The following RPTOR variants were observed in gnomAD, a reference collection of about 807,000 sequenced individuals.
RPTOR encodes regulatory-associated protein of mTOR.
A neutral mutation model predicts 169.9 loss-of-function variants in RPTOR; 21 were observed. The ratio of observed to expected loss-of-function variants is 0.12; its 90% CI spans 0.09 to 0.18. The LOEUF is 0.18. Ranked by LOEUF, RPTOR falls within the 10% of genes least tolerant of loss-of-function variation. The probability of loss-of-function intolerance (pLI) is 1.00; values close to 1 mark genes in which losing one functional copy is unlikely to be tolerated. For synonymous variants in RPTOR, 732 were observed against 753.2 expected, an observed-to-expected ratio of 0.97 and a Z score of 0.46; for missense variants, 1,133 against 1,855.9, an observed-to-expected ratio of 0.61 and a Z score of 7.16.
At chr17:80,605,684 A>G (rs946650620) in intron 1 of RPTOR, among the ~76,000 whole-genome samples, 2 of 152,172 alleles carry the variant, frequency 1.3e-5, no homozygotes, top group Non-Finnish European at 2.9e-5. Flanking sequence ...AGCTGGTGAT[A>G]TACACCTTGC....
At chr17:80,848,516 C>T (rs1310195701) in intron 11 of RPTOR, among the ~76,000 whole-genome samples, 2 of 152,264 alleles carry the variant, frequency 1.3e-5, no homozygotes, top group Non-Finnish European at 2.9e-5. Flanking sequence ...CGCAACCAAA[C>T]AACATTTGAC....
At chr17:80,938,103 C>G (rs2068976831) in intron 24 of RPTOR, among the ~76,000 whole-genome samples, 2 of 152,394 alleles carry the variant, frequency 1.3e-5, no homozygotes, top group Non-Finnish European at 2.9e-5. Flanking sequence ...GGAGAGGGCC[C>G]TTGCAGTGCC....
At chr17:80,953,277 T>C (rs2069205639) in intron 28 of RPTOR, among the ~76,000 whole-genome samples, 1 of 152,108 alleles carries the variant, frequency 6.6e-6, no homozygotes, top group Non-Finnish European at 1.5e-5. Context: ...TAGATTCTTA[T>C]TTATCTATTT....
intron 25 of RPTOR, chr17:80,941,189 C>G (rs1017445007): frequency 6.5e-6 from 1 of 153,124 alleles, no homozygotes; most frequent in African/African-American, 2.4e-5. Context: ...AGATTTGCCA[C>G]TAGATGCCAA....
intron 4 of RPTOR, among the ~76,000 whole-genome samples, chr17:80,712,943 A>G (rs1301533241): frequency 6.6e-6 from 1 of 151,744 alleles, no homozygotes; most frequent in Non-Finnish European, 1.5e-5. Flanking sequence ...GCATGTTCTT[A>G]TTTGCCGTGT....
chr17:80,798,699 A>T (rs750333417), intron 7 of RPTOR, among the ~76,000 whole-genome samples: 2 of 152,116 alleles, frequency 1.3e-5, no homozygotes, highest in Non-Finnish European at 2.9e-5. Context: ...GGCTGAGCCA[A>T]GGGGGGGCCA....
intron 7 of RPTOR, among the ~76,000 whole-genome samples, chr17:80,814,032 G>T (rs1011384713): frequency 6.6e-6 from 1 of 152,160 alleles, no homozygotes; most frequent in Admixed American, 6.5e-5. Flanking sequence ...CTACTTGGGA[G>T]GCTGAGGCTG....
Position 80,545,815 on chromosome 17 carries a change from C to G in RPTOR, c.162+24C>G, listed in dbSNP as rs759545678. The G allele has an allele frequency of 1.9e-5, 29 of 1,556,556 alleles. 1 individual carries two copies. The Admixed American group carries it at 5.6e-4, about 30-fold the overall frequency. ...GGGTAAGTGGATTCTGAAGGCACCC[C>G]TTGAACTTGGTAGTTTCCCCAACAA... On this transcript the variant is annotated intron_variant, in intron 1 of 33. Coordinates refer to ENST00000306801, the MANE Select transcript of RPTOR (RefSeq NM_020761.3).
At chr17:80,829,975 C>T (rs568147641) in intron 9 of RPTOR, among the ~76,000 whole-genome samples, 12 of 152,212 alleles carry the variant, frequency 7.9e-5, no homozygotes, top group Non-Finnish European at 1.0e-4. Context: ...AAAGTAAACA[C>T]GAGTCAGTTC....
At position 80,651,147 on chromosome 17, in the gene RPTOR, G is replaced by A. The variant is rs141931821; in HGVS notation, c.348+7337G>A. Reference sequence around the variant, plus strand: ...TGGGGACCGTGATACAGAGCGATGCGGAGATGGCTCTGAAGGACAGGCAGG... The same window carrying A: ...TGGGGACCGTGATACAGAGCGATGCAGAGATGGCTCTGAAGGACAGGCAGG... On this transcript the variant is annotated intron_variant, in intron 3 of 33. Transcript: ENST00000306801. This position sits in a 1 kb window ranked among gnomAD's most constrained non-coding sequence, Gnocchi z 4.1. Among the ~76,000 whole-genome samples, 1,340 of 152,282 alleles carry A rather than the reference G, an allele frequency of 8.8e-3. 16 individuals carry two copies. The highest frequency in any genetic ancestry group is 0.027 in the African/African-American group (1,111 of 41,546).
intron 7 of RPTOR, among the ~76,000 whole-genome samples, chr17:80,794,731 A>G (rs534978816): frequency 6.6e-6 from 1 of 152,356 alleles, no homozygotes; most frequent in South Asian, 2.1e-4. Context: ...AACAGGAAAA[A>G]GGGACAGGCT....
intron 9 of RPTOR, among the ~76,000 whole-genome samples, chr17:80,835,761 C>T (rs1204124415): frequency 6.6e-6 from 1 of 152,220 alleles, no homozygotes. Context: ...CCTGATATCT[C>T]ATTATGTATA....
At chr17:80,705,739 T>C (rs1182050175) in intron 3 of RPTOR, among the ~76,000 whole-genome samples, 1 of 152,214 alleles carries the variant, frequency 6.6e-6, no homozygotes, top group Non-Finnish European at 1.5e-5. Flanking sequence ...TCTGACTATG[T>C]TGCCCAGGCT....
At chr17:80,773,921 A>G in intron 6 of RPTOR, 1 of 985,418 alleles carries the variant, frequency 1.0e-6, no homozygotes, top group Non-Finnish European at 1.2e-6. Flanking sequence ...CCCGGTGGAC[A>G]CGCAGGGCTA....
intron 3 of RPTOR, among the ~76,000 whole-genome samples, chr17:80,665,343 C>T (rs1466104649): frequency 0.17 from 1,148 of 6,934 alleles, 260 homozygotes; most frequent in African/African-American, 0.53. Flanking sequence ...CTTTCCTTTC[C>T]TTTCCTTTCC....
intron 1 of RPTOR, chr17:80,602,905 C>A: frequency 2.2e-6 from 1 of 461,618 alleles, no homozygotes; most frequent in South Asian, 2.2e-5. Context: ...TTCTTCTCGC[C>A]ATCCTTTTCT....
chr17:80,861,233 C>T lies in RPTOR; in HGVS notation c.1509+3333C>T, dbSNP rs553359954. On this transcript the variant is annotated intron_variant, in intron 13 of 33. Transcript: ENST00000306801. This position sits in a 1 kb window ranked among gnomAD's most constrained non-coding sequence, Gnocchi z 4.5. ...TTGCCTCTGTAAAATCATGAGCCTT[C>T]GGCCGTCTGCCTTCAGCCACAGTTC... is the stretch of plus-strand genomic sequence containing the variant. Among the ~76,000 whole-genome samples, 8 of 144,494 alleles carry T rather than the reference C, an allele frequency of 5.5e-5. 1 individual carries two copies. Among genetic ancestry groups the T allele is most frequent in the Non-Finnish European group, 7.8e-5 (5 of 63,966 alleles). The allele number at this position is 144,494 out of a possible 152,430, so 94.8% of individuals were successfully genotyped here.
chr17:80,947,292 G>A lies in RPTOR; in HGVS notation c.3206G>A (p.Arg1069Lys), dbSNP rs755930511. The A allele has an allele frequency of 6.2e-7, 1 of 1,606,496 alleles. No individual in the cohort carries two copies. The change falls in exon 27 of 34, where the codon AGG becomes AAG. Residue 1069 changes from arginine to lysine, a missense_variant. Arg to Lys is a conservative substitution (Grantham distance 26, BLOSUM62 2). Around this residue, in one of 9 missense-constraint regions of RPTOR, gnomAD observed 410 missense variants for 623.7 expected, o/e 0.66. Transcript: ENST00000306801. This position sits in a 1 kb window ranked among gnomAD's most constrained non-coding sequence, Gnocchi z 4.4. The part of the protein sequence containing the change: ...YFHNGNPRYT[R>K]VTAMEYLNGQ... Reference sequence around the variant, plus strand: ...CACAATGGGAACCCTCGGTACACGAGGGTCACTGCCATGGAGTATCTGAAC... The same window carrying A: ...CACAATGGGAACCCTCGGTACACGAAGGTCACTGCCATGGAGTATCTGAAC...
chr17:80,961,010 T>C, intron 30 of RPTOR: 1 of 263,410 alleles, frequency 3.8e-6, no homozygotes, highest in South Asian at 8.5e-5. Flanking sequence ...GACCCTCCAG[T>C]CTGCACAGAT....
Sources: gnomAD v4.1 joint callset for allele counts (sites outside exome capture counted in the v4.1 genomes callset) on GRCh38, gnomAD v4.1.1 for gene constraint, gnomAD v4.1.1 regional missense constraint, Gnocchi (gnomAD v3.1) non-coding constraint, MANE v1.5 for transcripts, NCBI Gene and HGNC (gene_info 2026-07-23, HGNC 2026-07-21) for gene names.